DCP1A: variants seen among roughly 807,000 people sequenced by gnomAD.
The protein encoded by DCP1A is decapping mRNA 1A.
DCP1A carries 20 observed loss-of-function variants against 58.0 expected under a neutral mutation model. That is an observed-to-expected ratio of 0.34 (90% confidence interval 0.24 to 0.50). The LOEUF (loss-of-function observed/expected upper bound fraction) is 0.50. DCP1A is among the 20% of genes least tolerant of loss of function. The probability of loss-of-function intolerance (pLI) is 0.98; values close to 1 mark genes in which losing one functional copy is unlikely to be tolerated. For synonymous variants in DCP1A, 285 were observed against 275.1 expected, an observed-to-expected ratio of 1.04 and a Z score of -0.36; for missense variants, 613 against 712.2, an observed-to-expected ratio of 0.86 and a Z score of 1.59.
chr3:53,308,069 T>C (rs1361093706), intron 5 of DCP1A, among the ~76,000 whole-genome samples: 10 of 152,146 alleles, frequency 6.6e-5, no homozygotes, highest in African/African-American at 2.2e-4. Flanking sequence ...TACACAAACA[T>C]ACCACTTACA....
chr3:53,338,679 G>A (rs1203696086), intron 3 of DCP1A, among the ~76,000 whole-genome samples: 3 of 151,864 alleles, frequency 2.0e-5, no homozygotes, highest in African/African-American at 7.3e-5. Context: ...AGCTAACACG[G>A]TGAAACCCCG....
Position 53,347,378 on chromosome 3 carries a change from C to A in DCP1A, c.135+5G>T. 1 of 1,588,018 alleles carries A rather than the reference C, an allele frequency of 6.3e-7. No individual in the cohort carries two copies. The highest frequency in any genetic ancestry group is 2.3e-5 in the East Asian group (1 of 43,128). On this transcript the variant is annotated splice_donor_5th_base_variant and intron_variant, in intron 1 of 9. Transcript: ENST00000610213. ...TGGCCGTCCTCAGGGCCAGGCGGCA[C>A]TCACCCACTGGTTGGCCTTGGGGCA...
chr3:53,305,160 G>A (rs187076241), intron 5 of DCP1A, among the ~76,000 whole-genome samples: 2 of 152,172 alleles, frequency 1.3e-5, no homozygotes, highest in Non-Finnish European at 1.5e-5. Context: ...TGCCTTTAAG[G>A]TACATCCAAG....
intron 3 of DCP1A, among the ~76,000 whole-genome samples, chr3:53,330,365 C>T (rs2088965311): frequency 6.6e-6 from 1 of 151,974 alleles, no homozygotes; most frequent in South Asian, 2.1e-4. Flanking sequence ...GACCCTATCA[C>T]TACAAAAAAT....
In DCP1A at chr3:53,338,193, T is replaced by G. The variant is rs1553692160; in HGVS notation, c.304+3951A>C. 9.2e-6 allele frequency: 4 copies of G among 434,096 alleles called. No individual in the cohort carries two copies. In the East Asian group the frequency reaches 2.1e-4, roughly 23 times the overall value. 26.9% of individuals were successfully genotyped at this position (434,096 alleles called of 1,614,324 possible). ...AAGGTGCTAGAAATACCACTGCTAC[T>G]CAATAACTCCAGAATTTATAACCTC... On this transcript the variant is annotated intron_variant, in intron 3 of 9. Coordinates refer to ENST00000610213, the MANE Select transcript of DCP1A (RefSeq NM_018403.7).
chr3:53,342,760 C>G (rs560166696), intron 2 of DCP1A, among the ~76,000 whole-genome samples: 5 of 152,302 alleles, frequency 3.3e-5, no homozygotes, highest in African/African-American at 1.2e-4. Flanking sequence ...TATCTCTAAC[C>G]TTCCTCTTTT....
At chr3:53,345,665 CATT>C (rs2089283023) in intron 1 of DCP1A, among the ~76,000 whole-genome samples, 1 of 152,048 alleles carries the variant, frequency 6.6e-6, no homozygotes. Flanking sequence ...GTAATCAACG[CATT>C]ATTAACATTT....
chr3:53,288,275 G>T lies in DCP1A; in HGVS notation c.1458C>A (p.Gly486=). 6.2e-7 allele frequency: 1 copy of T among 1,608,252 alleles called. No individual in the cohort carries two copies. Among genetic ancestry groups the T allele is most frequent in the Non-Finnish European group, 8.5e-7 (1 of 1,177,198 alleles). Residue 486 remains glycine (G), a synonymous_variant, in exon 9 of 10, where the codon GGC becomes GGA. Transcript: ENST00000610213. ...KVLSSAIPVA[G]APLVTATTTA... The stretch of plus-strand genomic sequence containing the variant: ...TGGTCGTTGCAGTAACCAGTGGGGC[G>T]CCTGCAACCTGGAGAGTGACAATGG...
intron 4 of DCP1A, among the ~76,000 whole-genome samples, chr3:53,316,013 C>G (rs1707801352): frequency 6.6e-6 from 1 of 152,048 alleles, no homozygotes; most frequent in Non-Finnish European, 1.5e-5. Flanking sequence ...CTTGGCCTCC[C>G]AAAGCGCTGG....
intron 6 of DCP1A, among the ~76,000 whole-genome samples, chr3:53,299,196 A>G (rs1707233103): frequency 6.6e-6 from 1 of 152,224 alleles, no homozygotes; most frequent in African/African-American, 2.4e-5. Flanking sequence ...AATTCCCAAA[A>G]GTTTCACAGT....
rs781835605 is a variant in DCP1A at position 53,292,057 on chromosome 3, T to G, written c.1383+12A>C. On this transcript the variant is annotated intron_variant, in intron 7 of 9. Transcript: ENST00000610213. The stretch of plus-strand genomic sequence containing the variant: ...TTACCCACTCTGCCCACCCCCACCC[T>G]CCTGCCATTACCTGAAGGGGAGCAA... 9.9e-5 allele frequency: 95 copies of G among 958,238 alleles called. 1 individual carries two copies. The highest frequency in any genetic ancestry group is 7.5e-4 in the South Asian group (58 of 76,978). The allele number at this position is 958,238 out of a possible 1,614,324, so 59.4% of individuals were successfully genotyped here.
At chr3:53,327,175 G>A (rs1708133591) in intron 3 of DCP1A, among the ~76,000 whole-genome samples, 2 of 152,086 alleles carry the variant, frequency 1.3e-5, no homozygotes, top group East Asian at 1.9e-4. Flanking sequence ...AAAAGGGGGG[G>A]AACTTCTTTT....
intron 3 of DCP1A, among the ~76,000 whole-genome samples, chr3:53,324,475 A>G (rs1708057811): frequency 6.6e-6 from 1 of 152,242 alleles, no homozygotes; most frequent in Non-Finnish European, 1.5e-5. Context: ...CCTCTAGAGA[A>G]CTTACACTCT....
chr3:53,300,549 G>A (rs1489406854), intron 6 of DCP1A, among the ~76,000 whole-genome samples: 2 of 152,154 alleles, frequency 1.3e-5, no homozygotes, highest in Admixed American at 6.5e-5. Context: ...ATGTTGGTCA[G>A]GCTGGTCTTG....
intron 6 of DCP1A, among the ~76,000 whole-genome samples, chr3:53,302,666 A>G (rs1707347523): frequency 1.3e-5 from 2 of 152,226 alleles, no homozygotes; most frequent in African/African-American, 4.8e-5. Context: ...TCTGTCGCCT[A>G]GGCTGGAGTG....
chr3:53,346,468 T>C (rs1559711476), intron 1 of DCP1A, among the ~76,000 whole-genome samples: 1 of 152,198 alleles, frequency 6.6e-6, no homozygotes, highest in Non-Finnish European at 1.5e-5. Flanking sequence ...ACTCCAGTCA[T>C]TGGTGAATTC....
intron 3 of DCP1A, among the ~76,000 whole-genome samples, chr3:53,328,206 C>CTGGA (rs1708165010): frequency 6.6e-6 from 1 of 152,048 alleles, no homozygotes; most frequent in African/African-American, 2.4e-5. Context: ...CTGCCTGGAT[C>CTGGA]CTCCAGCACA....
In DCP1A at chr3:53,284,390, G is replaced by A. The variant is rs946430775; in HGVS notation, c.*3190C>T. The stretch of plus-strand genomic sequence containing the variant: ...ATGGTTTAAAAATTTACCTAGTAGT[G>A]GATTTGATAGGGTTTATATAATTTC... On this transcript the variant is annotated 3_prime_UTR_variant, in exon 10 of 10. Coordinates refer to ENST00000610213, the MANE Select transcript of DCP1A (RefSeq NM_018403.7). The A allele has an allele frequency of 6.6e-6, 1 of 152,090 alleles. No homozygotes were observed. The highest frequency in any genetic ancestry group is 1.5e-5 in the Non-Finnish European group (1 of 68,026). 9.4% of individuals were successfully genotyped at this position (152,090 alleles called of 1,614,324 possible).
intron 3 of DCP1A, among the ~76,000 whole-genome samples, chr3:53,338,305 C>G (rs188756704): frequency 9.2e-5 from 14 of 152,260 alleles, no homozygotes; most frequent in African/African-American, 1.4e-4. Context: ...CCAAAAGATT[C>G]AAGAGGCTGG....
Sources: allele counts gnomAD v4.1 joint callset (sites outside exome capture counted in the v4.1 genomes callset), GRCh38; gene constraint gnomAD v4.1.1; transcripts MANE v1.5; gene names NCBI Gene and HGNC (gene_info 2026-07-23, HGNC 2026-07-21).